The following TCF7L1 variants were observed in gnomAD, a reference collection of about 807,000 sequenced individuals.
The protein encoded by TCF7L1 is transcription factor 7-like 1.
In TCF7L1, 18 loss-of-function variants were observed where a neutral mutation model predicts 63.7. The observed-to-expected ratio is 0.28, with a 90% CI of 0.20 to 0.42. TCF7L1 has a LOEUF of 0.42. TCF7L1 is among the 10% of genes least tolerant of loss of function. TCF7L1 has a pLI of 1.00. For synonymous variants in TCF7L1, 355 were observed against 340.9 expected (o/e 1.04, Z -0.46); for missense variants, 654 against 779.3 (o/e 0.84, Z 1.91).
chr2:85,144,337 T>G (rs1222486314), intron 3 of TCF7L1, among the ~76,000 whole-genome samples: 1 of 150,616 alleles, frequency 6.6e-6, no homozygotes, highest in Non-Finnish European at 1.5e-5. Context: ...TCCCCACACT[T>G]TGGGAGGCTG....
chr2:85,177,911 A>G (rs1486786401), intron 3 of TCF7L1, among the ~76,000 whole-genome samples: 1 of 152,184 alleles, frequency 6.6e-6, no homozygotes, highest in East Asian at 1.9e-4. Context: ...TAGGCATTAT[A>G]AGATGAAGAC....
At chr2:85,275,729 G>A (rs1447265519) in intron 3 of TCF7L1, among the ~76,000 whole-genome samples, 1 of 151,932 alleles carries the variant, frequency 6.6e-6, no homozygotes, top group Non-Finnish European at 1.5e-5. Context: ...GACCAGCCAG[G>A]GCAACATGGT....
At chr2:85,246,995 C>T (rs1010496940) in intron 3 of TCF7L1, among the ~76,000 whole-genome samples, 3 of 152,178 alleles carry the variant, frequency 2.0e-5, no homozygotes, top group African/African-American at 7.2e-5. Context: ...TTTAGCAGCT[C>T]TTTCCTTCAT....
At chr2:85,255,666 C>T (rs1242389630) in intron 3 of TCF7L1, among the ~76,000 whole-genome samples, 1 of 152,186 alleles carries the variant, frequency 6.6e-6, no homozygotes, top group African/African-American at 2.4e-5. Flanking sequence ...GCCCTTCAGT[C>T]CCTGATCCTT....
chr2:85,161,240 G>T (rs992060077), intron 3 of TCF7L1, among the ~76,000 whole-genome samples: 3 of 152,198 alleles, frequency 2.0e-5, no homozygotes, highest in Non-Finnish European at 4.4e-5. Flanking sequence ...TGAATTTTCA[G>T]GTTCTCTAGT....
At chr2:85,172,326 C>T (rs755881890) in intron 3 of TCF7L1, among the ~76,000 whole-genome samples, 2 of 152,252 alleles carry the variant, frequency 1.3e-5, no homozygotes, top group Non-Finnish European at 2.9e-5. Flanking sequence ...ACCACCCCCA[C>T]ACCAACTTTG....
At chr2:85,202,115 A>C (rs1043514028) in intron 3 of TCF7L1, among the ~76,000 whole-genome samples, 3 of 151,956 alleles carry the variant, frequency 2.0e-5, no homozygotes, top group African/African-American at 7.3e-5. Flanking sequence ...GGCACATGTC[A>C]CCATGCCCAG....
intron 10 of TCF7L1, 35 bp from the exon 11 acceptor site, chr2:85,307,607 C>T (rs781196579): frequency 6.2e-7 from 1 of 1,600,064 alleles, no homozygotes; most frequent in Non-Finnish European, 8.6e-7. Flanking sequence ...ATTCTTCTCT[C>T]CCAGCTTACC....
chr2:85,180,916 C>T (rs1239705256), intron 3 of TCF7L1, among the ~76,000 whole-genome samples: 1 of 152,204 alleles, frequency 6.6e-6, no homozygotes. Flanking sequence ...AGGTCTGAAG[C>T]ACATGATTCC....
At chr2:85,170,615 C>CCT (rs144056870) in intron 3 of TCF7L1, among the ~76,000 whole-genome samples, 56 of 151,636 alleles carry the variant, frequency 3.7e-4, no homozygotes, top group Admixed American at 7.9e-4. Context: ...GATTCTTCTT[C>CCT]CTCTCTCTCT....
At chr2:85,295,610 C>T (rs951844664) in intron 4 of TCF7L1, among the ~76,000 whole-genome samples, 1 of 152,176 alleles carries the variant, frequency 6.6e-6, no homozygotes, top group South Asian at 2.1e-4. Context: ...TTGTGCTTCT[C>T]TTTCTCTCTC....
At chr2:85,304,117 T>A in intron 6 of TCF7L1, 120 bp downstream of exon 6, 7 of 1,183,570 alleles carry the variant, frequency 5.9e-6, no homozygotes, top group Non-Finnish European at 8.6e-6. Context: ...TAGGCCTCCC[T>A]GCCCCCGCCC....
intron 3 of TCF7L1, among the ~76,000 whole-genome samples, chr2:85,230,097 G>T (rs986925104): frequency 2.0e-5 from 3 of 152,092 alleles, no homozygotes; most frequent in African/African-American, 7.2e-5. Context: ...TTCAAATATC[G>T]TTGTCTTCAT....
intron 4 of TCF7L1, among the ~76,000 whole-genome samples, chr2:85,285,829 T>G (rs1681532606): frequency 6.6e-6 from 1 of 152,234 alleles, no homozygotes; most frequent in Non-Finnish European, 1.5e-5. Context: ...CTGGGTCCTC[T>G]GTCTTAGTTT....
rs1057374949 is a variant in TCF7L1, at chr2:85,306,876, G to T, written c.1257+317G>T. On this transcript the variant is annotated intron_variant, in intron 10 of 11. Transcript: ENST00000282111. This position sits in a 1 kb window ranked among gnomAD's most constrained non-coding sequence, Gnocchi z 4.3. ...AGACGGGGTTTCACTGTGTTAACCA[G>T]GATGGTCTCGAGCTCCTGACCTCGT... is the stretch of plus-strand genomic sequence containing the variant. Among the ~76,000 whole-genome samples, 8 of 152,170 alleles carry T rather than the reference G, an allele frequency of 5.3e-5. No homozygotes were observed. Among genetic ancestry groups the T allele is most frequent in the African/African-American group, 1.7e-4 (7 of 41,434 alleles).
intron 3 of TCF7L1, among the ~76,000 whole-genome samples, chr2:85,269,822 G>A (rs1195526329): frequency 6.6e-6 from 1 of 152,158 alleles, no homozygotes; most frequent in Non-Finnish European, 1.5e-5. Context: ...TAAGCCACAT[G>A]TGCACCCACA....
chr2:85,271,797 C>T (rs115468737), intron 3 of TCF7L1, among the ~76,000 whole-genome samples: 199 of 152,280 alleles, frequency 1.3e-3, no homozygotes, highest in African/African-American at 4.5e-3. Flanking sequence ...GTAGGCAGTC[C>T]TGTAAGAATG....
chr2:85,177,373 A>T (rs969839677), intron 3 of TCF7L1, among the ~76,000 whole-genome samples: 2 of 152,182 alleles, frequency 1.3e-5, no homozygotes, highest in Non-Finnish European at 2.9e-5. Flanking sequence ...CATATGTTTT[A>T]AAAAAATTTT....
chr2:85,196,031 C>T (rs1679146994), intron 3 of TCF7L1, among the ~76,000 whole-genome samples: 1 of 152,144 alleles, frequency 6.6e-6, no homozygotes, highest in Non-Finnish European at 1.5e-5. Context: ...GACCAGGCAG[C>T]AGCCCAGTCT....
Sources: gnomAD v4.1 joint callset for allele counts (sites outside exome capture counted in the v4.1 genomes callset) on GRCh38, gnomAD v4.1.1 for gene constraint, Gnocchi (gnomAD v3.1) non-coding constraint, MANE v1.5 for transcripts, NCBI Gene and HGNC (gene_info 2026-07-23, HGNC 2026-07-21) for gene names.